The following EBAG9 variants were observed in gnomAD, a reference collection of about 807,000 sequenced individuals.
EBAG9 encodes estrogen receptor binding site associated antigen 9.
EBAG9 carries 16 observed loss-of-function variants against 30.9 expected under a neutral mutation model. The ratio of observed to expected loss-of-function variants is 0.52; its 90% CI spans 0.35 to 0.79. The LOEUF (loss-of-function observed/expected upper bound fraction) is 0.79, where lower values mean the gene tolerates loss of function less well. Ranked by LOEUF, EBAG9 falls within the 30% of genes least tolerant of loss-of-function variation. The pLI is 0.01. For missense variants in EBAG9, 197 were observed against 242.1 expected (o/e 0.81, Z 1.24); for synonymous variants, 93 against 82.8 (o/e 1.12, Z -0.67).
intron 1 of EBAG9, among the ~76,000 whole-genome samples, chr8:109,548,887 C>CTTT (rs548152043): frequency 6.4e-5 from 8 of 125,114 alleles, no homozygotes; most frequent in African/African-American, 9.0e-5. Flanking sequence ...TTTCTTTTTT[C>CTTT]TTTTTTTTTT....
chr8:109,559,358 TG>T (rs1470263542), intron 5 of EBAG9, among the ~76,000 whole-genome samples: 1 of 152,044 alleles, frequency 6.6e-6, no homozygotes, highest in Non-Finnish European at 1.5e-5. Flanking sequence ...TGGGAGGGAC[TG>T]GGGTAAGAGG....
chr8:109,562,411 C>G (rs937140122), intron 6 of EBAG9, among the ~76,000 whole-genome samples: 2 of 152,080 alleles, frequency 1.3e-5, no homozygotes, highest in African/African-American at 4.8e-5. Context: ...AGACATGCTT[C>G]ATGCCGCAAG....
At position 109,554,774 on chromosome 8, in the gene EBAG9, A is replaced by G. The variant is rs1053065842; in HGVS notation, c.208A>G (p.Ser70Gly). The G allele has an allele frequency of 2.5e-6, 4 of 1,613,680 alleles. No individual in the cohort carries two copies. The highest frequency in any genetic ancestry group is 3.4e-6 in the Non-Finnish European group (4 of 1,179,792). ...TTCCTGGGATGAAGATGCACCCACC[A>G]GTGTAAAGATCGAAGGAGGGAATGG... Reference protein sequence around the residue: ...WTSWDEDAPTSVKIEGGNGNV... With the variant: ...WTSWDEDAPTGVKIEGGNGNV... The change falls in exon 4 of 7, where the codon AGT (serine) becomes GGT (glycine). Residue 70 changes from serine (S) to glycine (G), a missense_variant. Transcript: ENST00000337573.
intron 1 of EBAG9, among the ~76,000 whole-genome samples, chr8:109,545,610 G>A (rs1283852371): frequency 4.6e-5 from 7 of 151,944 alleles, no homozygotes; most frequent in East Asian, 2.0e-4. Context: ...TGATCTGCCC[G>A]CCTCAGCCTC....
rs1821563529 is a variant in EBAG9 at position 109,554,786 on chromosome 8, G to A, written c.220G>A (p.Glu74Lys). The change falls in exon 4 of 7, where the codon GAA becomes AAA. Residue 74 changes from glutamate (E) to lysine (K), a missense_variant. Physicochemically the swap from Glu to Lys is moderately conservative, Grantham distance 56 (BLOSUM62 1). Transcript: ENST00000337573. ...AGATGCACCCACCAGTGTAAAGATC[G>A]AAGGAGGGAATGGGAATGTGGCAAC... is the stretch of plus-strand genomic sequence containing the variant. ...DEDAPTSVKI[E>K]GGNGNVATQQ... 4.3e-6 allele frequency: 7 copies of A among 1,613,718 alleles called. No individual in the cohort carries two copies. The East Asian group carries it at 8.9e-5, about 21-fold the overall frequency.
At chr8:109,542,519 T>C (rs1332136458) in intron 1 of EBAG9, among the ~76,000 whole-genome samples, 2 of 152,230 alleles carry the variant, frequency 1.3e-5, no homozygotes, top group Non-Finnish European at 2.9e-5. Flanking sequence ...GAGTATCTCC[T>C]TGATTCTATT....
At chr8:109,561,215 T>TTA (rs140792246) in intron 6 of EBAG9, among the ~76,000 whole-genome samples, 3,840 of 148,904 alleles carry the variant, frequency 0.026, 154 homozygotes, top group African/African-American at 0.087. Flanking sequence ...TATATATGTT[T>TTA]TATATATATA....
At chr8:109,545,220 G>T (rs550645497) in intron 1 of EBAG9, among the ~76,000 whole-genome samples, 1 of 149,626 alleles carries the variant, frequency 6.7e-6, no homozygotes, top group East Asian at 2.0e-4. Context: ...TACTCAGGAG[G>T]CTGAGACAGG....
At position 109,553,958 on chromosome 8, in the gene EBAG9, T is replaced by C; in HGVS notation, c.162+15T>C. 6.4e-7 allele frequency: 1 copy of C among 1,570,276 alleles called. No homozygotes were observed. On this transcript the variant is annotated intron_variant, in intron 3 of 6. Transcript: ENST00000337573. ...TTCCTAAGCAGGTAGGTTTTTTTTG[T>C]GTGTTCTTTTGTTTTGTTTTGTTTT...
intron 6 of EBAG9, among the ~76,000 whole-genome samples, chr8:109,562,703 T>C (rs976469051): frequency 6.6e-6 from 1 of 151,798 alleles, no homozygotes; most frequent in East Asian, 1.9e-4. Context: ...TTGATACAGA[T>C]TGGGTATCCC....
At chr8:109,553,802 A>G (rs975842232) in intron 2 of EBAG9, 63 bp from the exon 3 acceptor site, 3 of 1,312,948 alleles carry the variant, frequency 2.3e-6, no homozygotes, top group African/African-American at 1.5e-5. Flanking sequence ...ACCATACATA[A>G]TAGTGCTTTT....
intron 1 of EBAG9, among the ~76,000 whole-genome samples, chr8:109,541,086 G>A (rs1044420510): frequency 1.3e-5 from 2 of 151,722 alleles, no homozygotes; most frequent in African/African-American, 4.8e-5. Context: ...TCTCATTCTT[G>A]ATTTCCTAGA....
At chr8:109,560,195 C>T (rs1056744675) in intron 5 of EBAG9, among the ~76,000 whole-genome samples, 3 of 152,128 alleles carry the variant, frequency 2.0e-5, no homozygotes, top group Non-Finnish European at 4.4e-5. Flanking sequence ...TTTTAGAGGT[C>T]TGGCTTGGGA....
intron 4 of EBAG9, among the ~76,000 whole-genome samples, chr8:109,555,788 TTGAG>T (rs1357243514): frequency 1.3e-5 from 2 of 152,200 alleles, no homozygotes; most frequent in East Asian, 3.8e-4. Context: ...AACAGAATGC[TTGAG>T]TATTTTCGTT....
At chr8:109,542,070 A>G (rs755932449) in intron 1 of EBAG9, among the ~76,000 whole-genome samples, 21 of 152,208 alleles carry the variant, frequency 1.4e-4, no homozygotes, top group Non-Finnish European at 1.3e-4. Flanking sequence ...GTTTAATTCA[A>G]TGAAACAAGG....
At position 109,557,050 on chromosome 8, in the gene EBAG9, T is replaced by C. The variant is rs534001160; in HGVS notation, c.429+8T>C. ...CCTTTTATTCATCAGTCTGTAAGTA[T>C]GTTAATGGTTCTAGGGAAGGGTTTT... On this transcript the variant is annotated splice_region_variant and intron_variant, in intron 5 of 6. Transcript: ENST00000337573. 1.9e-6 allele frequency: 3 copies of C among 1,545,786 alleles called. No individual in the cohort carries two copies. The highest frequency in any genetic ancestry group is 1.4e-5 in the African/African-American group (1 of 73,162).
intron 2 of EBAG9, among the ~76,000 whole-genome samples, chr8:109,553,365 C>A (rs1303175102): frequency 6.6e-6 from 1 of 152,172 alleles, no homozygotes; most frequent in Non-Finnish European, 1.5e-5. Context: ...ATAGTACGTC[C>A]TGTTGAATGT....
Position 109,550,853 on chromosome 8 carries a change from AATTTTGT to A in EBAG9, c.31_37del (p.Phe11ProfsTer3). On this transcript the variant is annotated frameshift_variant, in exon 2 of 7. Transcript: ENST00000337573. LOFTEE classifies it high-confidence loss of function. ...GCCATCACCCAGTTTCGGTTATTTA[AATTTTGT>A]ACCTGCCTAGCAACAGTATTCTCAT... 1 of 1,604,188 alleles carries A rather than the reference AATTTTGT, an allele frequency of 6.2e-7. No individual in the cohort carries two copies. The highest frequency in any genetic ancestry group is 8.5e-7 in the Non-Finnish European group (1 of 1,174,010).
chr8:109,552,017 GT>G (rs1287524408), intron 2 of EBAG9, among the ~76,000 whole-genome samples: 1 of 152,104 alleles, frequency 6.6e-6, no homozygotes, highest in Non-Finnish European at 1.5e-5. Flanking sequence ...CTGTGAAAAA[GT>G]TACTTACATA....
Sources: allele counts gnomAD v4.1 joint callset (sites outside exome capture counted in the v4.1 genomes callset), GRCh38; gene constraint gnomAD v4.1.1; transcripts MANE v1.5; gene names NCBI Gene and HGNC (gene_info 2026-07-23, HGNC 2026-07-21).